BMPR2: variants seen among roughly 807,000 people sequenced by gnomAD.
BMPR2 encodes the protein bone morphogenetic protein receptor type-2.
BMPR2 carries 29 observed loss-of-function variants against 100.8 expected under a neutral mutation model. The observed-to-expected ratio is 0.29, with a 90% CI of 0.21 to 0.39. BMPR2 has a LOEUF of 0.39. Ranked by LOEUF, BMPR2 falls within the 10% of genes least tolerant of loss-of-function variation. The pLI is 1.00. For synonymous variants in BMPR2, 382 were observed against 442.3 expected (o/e 0.86, Z 1.71); for missense variants, 1,011 against 1,274.5 (o/e 0.79, Z 3.15).
intron 7 of BMPR2, among the ~76,000 whole-genome samples, chr2:202,530,151 G>A (rs1687994688): frequency 6.6e-6 from 1 of 152,072 alleles, no homozygotes; most frequent in South Asian, 2.1e-4. Flanking sequence ...CTATGATAAG[G>A]ATAAAAAAGT....
At chr2:202,457,129 C>A (rs1274388493) in intron 1 of BMPR2, among the ~76,000 whole-genome samples, 1 of 147,552 alleles carries the variant, frequency 6.8e-6, no homozygotes, top group African/African-American at 2.7e-5. Context: ...TATCTATCTA[C>A]CTACCTACCT....
intron 1 of BMPR2, among the ~76,000 whole-genome samples, chr2:202,390,124 T>C (rs1690517455): frequency 1.3e-5 from 2 of 152,296 alleles, no homozygotes; most frequent in East Asian, 1.9e-4. Flanking sequence ...TCTGTATAAT[T>C]AGAATTTGCT....
chr2:202,547,959 C>T (rs997566182), intron 10 of BMPR2, among the ~76,000 whole-genome samples: 1 of 151,930 alleles, frequency 6.6e-6, no homozygotes, highest in Non-Finnish European at 1.5e-5. Context: ...GTGGCAGGTG[C>T]CTGTAATCTC....
At chr2:202,515,571 C>CAA (rs1297491040) in intron 5 of BMPR2, among the ~76,000 whole-genome samples, 3 of 75,392 alleles carry the variant, frequency 4.0e-5, no homozygotes, top group Admixed American at 3.0e-4. Context: ...AACTCTGCCA[C>CAA]AAAAAAAAAA....
chr2:202,518,278 C>T (rs1687754028), intron 5 of BMPR2, among the ~76,000 whole-genome samples: 1 of 151,768 alleles, frequency 6.6e-6, no homozygotes, highest in South Asian at 2.1e-4. Context: ...GCTAGGATTA[C>T]AGGCGTGTGC....
rs1294309862 is a variant in BMPR2, at chr2:202,424,940, A to T, written c.77-39869A>T. ...TAAGACAACTTCAAGACAAATTTTA[A>T]GAGATTAATTGAGCAAACATTTTTT... On this transcript the variant is annotated intron_variant, in intron 1 of 12. Coordinates refer to ENST00000374580, the MANE Select transcript of BMPR2 (RefSeq NM_001204.7). Among the ~76,000 whole-genome samples, 385 of 152,254 alleles carry T rather than the reference A, an allele frequency of 2.5e-3. 1 individual carries two copies. The highest frequency in any genetic ancestry group is 8.9e-3 in the African/African-American group (371 of 41,572).
At chr2:202,389,476 G>A (rs1419607832) in intron 1 of BMPR2, among the ~76,000 whole-genome samples, 1 of 143,746 alleles carries the variant, frequency 7.0e-6, no homozygotes, top group Admixed American at 7.2e-5. Context: ...GCAGTGAGAC[G>A]AGATTGCGCC....
intron 1 of BMPR2, among the ~76,000 whole-genome samples, chr2:202,396,164 C>T (rs1007057335): frequency 9.2e-5 from 14 of 152,120 alleles, no homozygotes; most frequent in Admixed American, 2.6e-4. Flanking sequence ...AGGGAAAAAT[C>T]GGTAACTTGA....
intron 1 of BMPR2, among the ~76,000 whole-genome samples, chr2:202,449,954 A>G (rs1488545560): frequency 1.3e-5 from 2 of 152,210 alleles, no homozygotes; most frequent in East Asian, 3.9e-4. Context: ...AAAAATACAA[A>G]AAAAAAATAG....
intron 3 of BMPR2, among the ~76,000 whole-genome samples, chr2:202,471,958 C>G (rs542029418): frequency 6.6e-6 from 1 of 151,188 alleles, no homozygotes; most frequent in Admixed American, 6.6e-5. Flanking sequence ...GTAATAAAAG[C>G]AAACAGTAAA....
chr2:202,433,200 G>A (rs1039878480), intron 1 of BMPR2, among the ~76,000 whole-genome samples: 1 of 150,380 alleles, frequency 6.6e-6, no homozygotes, highest in Non-Finnish European at 1.5e-5. Flanking sequence ...GGATCTTTAG[G>A]ACTTGTATTA....
intron 3 of BMPR2, among the ~76,000 whole-genome samples, chr2:202,485,539 C>CT (rs1356936925): frequency 8.6e-5 from 3 of 34,782 alleles, no homozygotes; most frequent in Non-Finnish European, 1.9e-4. Flanking sequence ...CTCCCTTTGC[C>CT]TTTATCTTTT....
At chr2:202,395,447 T>C (rs1177296172) in intron 1 of BMPR2, among the ~76,000 whole-genome samples, 1 of 152,244 alleles carries the variant, frequency 6.6e-6, no homozygotes, top group African/African-American at 2.4e-5. Context: ...AACTGTGTTA[T>C]GATACAGAAG....
At chr2:202,407,629 C>A (rs1407339353) in intron 1 of BMPR2, among the ~76,000 whole-genome samples, 1 of 151,290 alleles carries the variant, frequency 6.6e-6, no homozygotes, top group East Asian at 2.0e-4. Context: ...ATCAGCCAGG[C>A]GTGGTGGCGG....
At chr2:202,386,688 T>G (rs1690434000) in intron 1 of BMPR2, among the ~76,000 whole-genome samples, 1 of 151,944 alleles carries the variant, frequency 6.6e-6, no homozygotes. Flanking sequence ...TCTTTTCTTT[T>G]TTTTTTTTGC....
At chr2:202,462,872 C>T (rs969659710) in intron 1 of BMPR2, among the ~76,000 whole-genome samples, 2 of 151,860 alleles carry the variant, frequency 1.3e-5, no homozygotes, top group African/African-American at 2.4e-5. Context: ...CCACCATGCC[C>T]GGCTAATTTT....
At chr2:202,467,481 C>G in intron 2 of BMPR2, 38 bp from the exon 3 acceptor site, 2 of 1,507,346 alleles carry the variant, frequency 1.3e-6, no homozygotes, top group South Asian at 2.3e-5. Flanking sequence ...TTTTCTTTAT[C>G]ATATTGTCTC....
chr2:202,518,851 A>G lies in BMPR2; in HGVS notation c.651A>G (p.Val217=). 1 of 1,614,234 alleles carries G rather than the reference A, an allele frequency of 6.2e-7. No individual in the cohort carries two copies. The highest frequency in any genetic ancestry group is 1.1e-5 in the South Asian group (1 of 91,084). The change falls in exon 6 of 13, where the codon GTA becomes GTG. Residue 217 remains valine (V), a synonymous_variant. Transcript: ENST00000374580. ...ELIGRGRYGA[V]YKGSLDERPV... ...TTGGCCGAGGTCGATATGGAGCAGT[A>G]TATAAAGGCTCCTTGGATGAGCGTC...
intron 1 of BMPR2, among the ~76,000 whole-genome samples, chr2:202,425,567 C>G (rs1691367953): frequency 6.6e-6 from 1 of 152,090 alleles, no homozygotes; most frequent in South Asian, 2.1e-4. Context: ...CAGCTTTAGG[C>G]TAAACTTTAT....
Sources: allele counts gnomAD v4.1 joint callset (sites outside exome capture counted in the v4.1 genomes callset), GRCh38; gene constraint gnomAD v4.1.1; transcripts MANE v1.5; gene names NCBI Gene and HGNC (gene_info 2026-07-23, HGNC 2026-07-21).